Variants in CCSER2 observed in about 807,000 individuals in gnomAD.
CCSER2 encodes the protein serine-rich coiled-coil domain-containing protein 2.
CCSER2 carries 46 observed loss-of-function variants against 92.3 expected under a neutral mutation model. That is an observed-to-expected ratio of 0.50 (90% CI 0.39 to 0.64). The LOEUF is 0.64. Among genes scored for constraint, CCSER2 ranks in the 30% least tolerant of loss-of-function variants. The pLI is 0.00. For missense variants in CCSER2, 1,244 were observed against 1,238.9 expected (o/e 1.00, Z -0.06); for synonymous variants, 433 against 431.4 (o/e 1.00, Z -0.04).
At chr10:84,356,860 T>C (rs774283030) in intron 1 of CCSER2, among the ~76,000 whole-genome samples, 4 of 150,162 alleles carry the variant, frequency 2.7e-5, no homozygotes, top group Non-Finnish European at 5.9e-5. Flanking sequence ...TTATACATTA[T>C]GTGTGTGTGT....
chr10:84,488,596 T>G, intron 9 of CCSER2, among the ~76,000 whole-genome samples: 1 of 152,204 alleles, frequency 6.6e-6, no homozygotes, highest in East Asian at 1.9e-4. Context: ...ATCCCCTGTA[T>G]CATTTTAATT....
At chr10:84,386,350 G>T (rs1841203028) in intron 3 of CCSER2, among the ~76,000 whole-genome samples, 2 of 152,206 alleles carry the variant, frequency 1.3e-5, no homozygotes, top group African/African-American at 4.8e-5. Flanking sequence ...CAACTTAAGT[G>T]TCCATTAGTA....
At chr10:84,362,720 G>A (rs780147414) in intron 1 of CCSER2, among the ~76,000 whole-genome samples, 1 of 152,134 alleles carries the variant, frequency 6.6e-6, no homozygotes, top group Non-Finnish European at 1.5e-5. Context: ...AGCATGGCAT[G>A]TCCTCTTTAA....
chr10:84,428,888 T>C (rs1297885966), intron 5 of CCSER2, among the ~76,000 whole-genome samples: 1 of 151,744 alleles, frequency 6.6e-6, no homozygotes, highest in African/African-American at 2.4e-5. Flanking sequence ...ATTCTACTAA[T>C]GTGGAGTAAT....
chr10:84,350,345 C>T (rs1044715137), intron 1 of CCSER2, among the ~76,000 whole-genome samples: 2 of 151,906 alleles, frequency 1.3e-5, no homozygotes, highest in African/African-American at 4.8e-5. Flanking sequence ...TTTCGTTTTC[C>T]TTTATAGCAC....
chr10:84,460,238 C>T lies in CCSER2; in HGVS notation c.2065-3695C>T, dbSNP rs575285964. ...CTGAGTAGCTGGGACTATGGGCATG[C>T]GCCACCATGCCCGGCTGATTTTTTT... On this transcript the variant is annotated intron_variant, in intron 6 of 9. Transcript: ENST00000372088. Among the ~76,000 whole-genome samples the T allele has an allele frequency of 2.1e-3, 306 of 147,632 alleles. 2 individuals carry two copies. Among genetic ancestry groups the T allele is most frequent in the Middle Eastern group, 0.018 (5 of 280 alleles).
intron 1 of CCSER2, among the ~76,000 whole-genome samples, chr10:84,353,615 C>T (rs1181024795): frequency 6.6e-6 from 1 of 152,164 alleles, no homozygotes; most frequent in African/African-American, 2.4e-5. Flanking sequence ...CCAATCCTGA[C>T]TTAGGTGGGT....
At chr10:84,458,528 A>T (rs184511301) in intron 6 of CCSER2, among the ~76,000 whole-genome samples, 1 of 152,110 alleles carries the variant, frequency 6.6e-6, no homozygotes, top group African/African-American at 2.4e-5. Flanking sequence ...CTTTTCATGT[A>T]AATTTTAGAA....
chr10:84,444,446 T>TCTCTAGATATCAGATATCTCTAGGTTCTC (rs1235402174), intron 6 of CCSER2, among the ~76,000 whole-genome samples: 2 of 152,238 alleles, frequency 1.3e-5, no homozygotes, highest in African/African-American at 4.8e-5. Context: ...TTCTCTGATA[T>TCTCTAGATATCAGATATCTCTAGGTTCTC]ACATTATCTC....
At chr10:84,457,377 TTTTAAATATATATTTA>T (rs1845788727) in intron 6 of CCSER2, among the ~76,000 whole-genome samples, 1 of 95,930 alleles carries the variant, frequency 1.0e-5, no homozygotes, top group Non-Finnish European at 1.9e-5. Context: ...TAAATATATA[TTTTAAATATATATTTA>T]TTTAAATATA....
chr10:84,512,367 A>AGTGTGTGT (rs141667701), intron 9 of CCSER2, among the ~76,000 whole-genome samples: 220 of 139,700 alleles, frequency 1.6e-3, no homozygotes, highest in African/African-American at 5.3e-3. Context: ...TTATTTAAAC[A>AGTGTGTGT]GTGTGTGTGT....
chr10:84,475,556 G>A (rs1302180693), intron 8 of CCSER2, among the ~76,000 whole-genome samples: 1 of 152,072 alleles, frequency 6.6e-6, no homozygotes, highest in East Asian at 1.9e-4. Context: ...ACTTATGACG[G>A]AATTATGTCC....
In CCSER2 at chr10:84,342,542, C is replaced by T. The variant is rs952617790; in HGVS notation, c.-40+13734C>T. Among the ~76,000 whole-genome samples, 13 of 152,074 alleles carry T rather than the reference C, an allele frequency of 8.5e-5. 1 individual carries two copies. The highest frequency in any genetic ancestry group is 1.5e-5 in the Non-Finnish European group (1 of 68,022). Reference sequence around the variant, plus strand: ...AAAGGGGGAAAAAAATGTTACATGCCTTTCCTTCTCCTGTTCACAGAATAA... The same window carrying T: ...AAAGGGGGAAAAAAATGTTACATGCTTTTCCTTCTCCTGTTCACAGAATAA... On this transcript the variant is annotated intron_variant, in intron 1 of 9. Coordinates refer to ENST00000372088, the MANE Select transcript of CCSER2 (RefSeq NM_001284240.2).
intron 9 of CCSER2, among the ~76,000 whole-genome samples, chr10:84,501,834 A>AATATATATATATATATATATATATACTC (rs1848753833): frequency 2.5e-5 from 1 of 40,174 alleles, no homozygotes; most frequent in Non-Finnish European, 8.1e-5. Flanking sequence ...AAAAAAAAAA[A>AATATATATATATATATATATATATACTC]ATATATATAT....
At chr10:84,435,854 G>A (rs1844084519) in intron 5 of CCSER2, among the ~76,000 whole-genome samples, 1 of 152,130 alleles carries the variant, frequency 6.6e-6, no homozygotes, top group Non-Finnish European at 1.5e-5. Context: ...TGCCTTAGGG[G>A]ATTTAAGGAA....
intron 3 of CCSER2, among the ~76,000 whole-genome samples, chr10:84,390,607 G>A (rs77164282): frequency 0.015 from 2,272 of 152,244 alleles, 56 homozygotes; most frequent in African/African-American, 0.051. Context: ...TTTCAGCTCC[G>A]TTATAATCTG....
intron 1 of CCSER2, among the ~76,000 whole-genome samples, chr10:84,349,804 AT>A (rs1844761189): frequency 6.6e-6 from 1 of 151,942 alleles, no homozygotes; most frequent in African/African-American, 2.4e-5. Flanking sequence ...CTGCTTCTAC[AT>A]TTTCTTCTTT....
At chr10:84,332,432 A>ATTTTTTTTTTTTTT (rs1461942069) in intron 1 of CCSER2, among the ~76,000 whole-genome samples, 3 of 73,332 alleles carry the variant, frequency 4.1e-5, no homozygotes, top group Admixed American at 1.9e-4. Context: ...ATATATATAT[A>ATTTTTTTTTTTTTT]TATATTTTTT....
intron 9 of CCSER2, among the ~76,000 whole-genome samples, chr10:84,490,924 G>A (rs1848123253): frequency 6.6e-6 from 1 of 152,116 alleles, no homozygotes; most frequent in African/African-American, 2.4e-5. Context: ...TTTTGGTGTG[G>A]ATGTCCTTTC....
Sources: allele counts gnomAD v4.1 joint callset (sites outside exome capture counted in the v4.1 genomes callset), GRCh38; gene constraint gnomAD v4.1.1; transcripts MANE v1.5; gene names NCBI Gene and HGNC (gene_info 2026-07-23, HGNC 2026-07-21).